The following CADM2 variants were observed in gnomAD, a reference collection of about 807,000 sequenced individuals.
CADM2 encodes the protein cell adhesion molecule 2.
CADM2 carries 12 observed loss-of-function variants against 49.8 expected under a neutral mutation model. The observed-to-expected ratio is 0.24, with a 90% CI of 0.15 to 0.39. The LOEUF is 0.39. Ranked by LOEUF, CADM2 falls within the 10% of genes least tolerant of loss-of-function variation. CADM2 has a pLI of 1.00. For missense variants in CADM2, 378 were observed against 492.3 expected (o/e 0.77, Z 2.20); for synonymous variants, 214 against 175.4 (o/e 1.22, Z -1.74).
chr3:84,973,071 G>A (rs1027299625), intron 1 of CADM2, among the ~76,000 whole-genome samples: 2 of 151,950 alleles, frequency 1.3e-5, no homozygotes, highest in African/African-American at 2.4e-5. Flanking sequence ...GTGCCACCAC[G>A]CCGGCTAAAT....
intron 7 of CADM2, among the ~76,000 whole-genome samples, chr3:85,949,136 G>A (rs1190632060): frequency 4.6e-5 from 7 of 151,398 alleles, no homozygotes; most frequent in Non-Finnish European, 1.0e-4. Context: ...AGTCACTAGT[G>A]CAGTGTTTTT....
At chr3:85,403,782 C>A (rs1559822430) in intron 1 of CADM2, among the ~76,000 whole-genome samples, 1 of 152,104 alleles carries the variant, frequency 6.6e-6, no homozygotes, top group Non-Finnish European at 1.5e-5. Context: ...CTCATAAGTT[C>A]ATCCAGCACA....
At chr3:85,292,759 A>G (rs149450258) in intron 1 of CADM2, among the ~76,000 whole-genome samples, 10,002 of 152,182 alleles carry the variant, frequency 0.066, 1,060 homozygotes, top group African/African-American at 0.23. Flanking sequence ...AAGACACAAC[A>G]TACCAGAATC....
Position 85,961,534 on chromosome 3 carries a change from G to C in CADM2, c.857G>C (p.Ser286Thr). ...ELPDPDRMVV[S>T]GRELNILFLN... The stretch of plus-strand genomic sequence containing the variant: ...CCAGATCCTGACCGAATGGTTGTGA[G>C]TGGTAGGGAGCTAAACATTCTTTTC... Residue 286 changes from serine to threonine, a missense_variant, in exon 8 of 10, where the codon AGT (serine) becomes ACT (threonine). By Grantham distance (58) the Ser-to-Thr change is moderately conservative (BLOSUM62 1). Coordinates refer to ENST00000383699, the MANE Select transcript of CADM2 (RefSeq NM_001167675.2). 1 of 1,610,286 alleles carries C rather than the reference G, an allele frequency of 6.2e-7. No individual in the cohort carries two copies. The highest frequency in any genetic ancestry group is 2.2e-5 in the East Asian group (1 of 44,768).
chr3:85,506,649 G>A (rs553404745), intron 1 of CADM2, among the ~76,000 whole-genome samples: 5 of 151,742 alleles, frequency 3.3e-5, no homozygotes, highest in Non-Finnish European at 5.9e-5. Flanking sequence ...ATCCTCCTGC[G>A]TTAGCTTCCC....
chr3:85,577,611 T>A (rs1466856000), intron 1 of CADM2, among the ~76,000 whole-genome samples: 1 of 152,218 alleles, frequency 6.6e-6, no homozygotes. Context: ...GGACATTTTT[T>A]TCTTATTTTC....
chr3:85,893,654 AAAAC>A (rs1332305702), intron 5 of CADM2, among the ~76,000 whole-genome samples: 1 of 152,214 alleles, frequency 6.6e-6, no homozygotes, highest in Non-Finnish European at 1.5e-5. Flanking sequence ...TTACAAGAAA[AAAAC>A]AAACAACCCC....
At chr3:85,480,433 T>G (rs767429343) in intron 1 of CADM2, among the ~76,000 whole-genome samples, 6 of 151,988 alleles carry the variant, frequency 3.9e-5, no homozygotes, top group Admixed American at 6.6e-5. Context: ...CAAGTTACCA[T>G]GTGCCTCACA....
chr3:85,756,820 T>C (rs1362232800), intron 2 of CADM2, among the ~76,000 whole-genome samples: 3 of 152,190 alleles, frequency 2.0e-5, no homozygotes, highest in Non-Finnish European at 1.5e-5. Context: ...TATTTTTGAA[T>C]CAACTCTATG....
chr3:85,413,161 AAATAAT>A (rs1206383142), intron 1 of CADM2, among the ~76,000 whole-genome samples: 1,516 of 107,878 alleles, frequency 0.014, 55 homozygotes, highest in East Asian at 0.023. Context: ...AAAAAAAAAA[AAATAAT>A]AATAATAATA....
chr3:85,462,372 C>T (rs1290574589), intron 1 of CADM2, among the ~76,000 whole-genome samples: 2 of 152,114 alleles, frequency 1.3e-5, no homozygotes, highest in African/African-American at 4.8e-5. Flanking sequence ...ATGACAATTC[C>T]ATTAAGCGGT....
chr3:85,694,411 A>G lies in CADM2; in HGVS notation c.62-32111A>G, dbSNP rs115900984. Among the ~76,000 whole-genome samples, 445 of 152,306 alleles carry G rather than the reference A, an allele frequency of 2.9e-3. 1 individual carries two copies. The highest frequency in any genetic ancestry group is 0.01 in the African/African-American group (430 of 41,578). On this transcript the variant is annotated intron_variant, in intron 1 of 9. Transcript: ENST00000383699. ...CACAGCCAGAAGATGGACATCTGCT[A>G]TTTAGGGAGAGAGAACTCAGCAGAA...
chr3:85,995,406 ATTC>A (rs2108719961), intron 8 of CADM2, among the ~76,000 whole-genome samples: 1 of 152,326 alleles, frequency 6.6e-6, no homozygotes, highest in South Asian at 2.1e-4. Flanking sequence ...GTAAAACTTT[ATTC>A]TTAAGTGACA....
At chr3:85,497,597 C>T (rs1204225929) in intron 1 of CADM2, among the ~76,000 whole-genome samples, 14 of 152,044 alleles carry the variant, frequency 9.2e-5, no homozygotes, top group Admixed American at 9.2e-4. Flanking sequence ...TTGTAATTCT[C>T]ATGTTTATGA....
chr3:85,049,417 C>G (rs1299445637), intron 1 of CADM2, among the ~76,000 whole-genome samples: 1 of 151,776 alleles, frequency 6.6e-6, no homozygotes, highest in Non-Finnish European at 1.5e-5. Context: ...ATGATGCGAT[C>G]TCAGCTCACT....
intron 1 of CADM2, among the ~76,000 whole-genome samples, chr3:85,676,843 C>G (rs2065899264): frequency 6.6e-6 from 1 of 152,090 alleles, no homozygotes; most frequent in Non-Finnish European, 1.5e-5. Flanking sequence ...CCACCATCGC[C>G]TCAACACACA....
intron 8 of CADM2, among the ~76,000 whole-genome samples, chr3:86,059,167 T>C (rs1738338636): frequency 6.6e-6 from 1 of 151,976 alleles, no homozygotes; most frequent in African/African-American, 2.4e-5. Flanking sequence ...CATACTGTTA[T>C]CTTAAAAGGC....
At position 85,912,354 on chromosome 3, in the gene CADM2, A is replaced by G. The variant is rs1717728221; in HGVS notation, c.530-19A>G. ...ATTTTGAAAGGTGTCACATTTTAAA[A>G]TTCATATTTTATTTTCAGATGTAAA... On this transcript the variant is annotated intron_variant, in intron 5 of 9. Transcript: ENST00000383699. 1.3e-6 allele frequency: 2 copies of G among 1,578,222 alleles called. No homozygotes were observed. Among genetic ancestry groups the G allele is most frequent in the Non-Finnish European group, 1.7e-6 (2 of 1,156,874 alleles).
Position 85,291,578 on chromosome 3 carries a change from A to G in CADM2, c.61+331910A>G, listed in dbSNP as rs1267287414. ...CCTCAAAGGGAAGCCCATCAGACTA[A>G]CAGCGGATCTCTTGGCAGAAACCCT... is the stretch of plus-strand genomic sequence containing the variant. On this transcript the variant is annotated intron_variant, in intron 1 of 9. Transcript: ENST00000383699. Among the ~76,000 whole-genome samples, 13 of 147,702 alleles carry G rather than the reference A, an allele frequency of 8.8e-5. 2 individuals are homozygous for G. The highest frequency in any genetic ancestry group is 3.5e-4 in the African/African-American group (13 of 37,280).
Sources: allele counts gnomAD v4.1 joint callset (sites outside exome capture counted in the v4.1 genomes callset), GRCh38; gene constraint gnomAD v4.1.1; transcripts MANE v1.5; gene names NCBI Gene and HGNC (gene_info 2026-07-23, HGNC 2026-07-21).